SZT2: variants seen among roughly 807,000 people sequenced by gnomAD.
SZT2 encodes SZT2 subunit of KICSTOR complex, also known as KICSTOR complex protein SZT2.
A neutral mutation model predicts 404.2 loss-of-function variants in SZT2; 216 were observed. That is an observed-to-expected ratio of 0.53 (90% CI 0.48 to 0.60). The LOEUF (loss-of-function observed/expected upper bound fraction) is 0.60. SZT2 is among the 20% of genes least tolerant of loss of function. The pLI, the probability that SZT2 is intolerant of heterozygous loss-of-function variation, is 0.00. For synonymous variants in SZT2, 1,693 were observed against 1,749.9 expected, an observed-to-expected ratio of 0.97 and a Z score of 0.81; for missense variants, 3,857 against 4,459.2, an observed-to-expected ratio of 0.86 and a Z score of 3.85.
At chr1:43,427,956 A>G (rs1168698697) in intron 26 of SZT2, 47 bp from the exon 27 acceptor site, 10 of 1,530,198 alleles carry the variant, frequency 6.5e-6, no homozygotes, top group African/African-American at 1.4e-5. Context: ...AGTGTGAGGT[A>G]TCACTTAAGG....
chr1:43,441,572 A>G lies in SZT2; in HGVS notation c.7580A>G (p.Gln2527Arg). 1 of 1,614,168 alleles carries G rather than the reference A, an allele frequency of 6.2e-7. No individual in the cohort carries two copies. Among genetic ancestry groups the G allele is most frequent in the South Asian group, 1.1e-5 (1 of 91,084 alleles). Residue 2527 changes from glutamine (Q) to arginine (R), a missense_variant, in exon 54 of 72, where the codon CAG (glutamine) becomes CGG (arginine). Gln to Arg is a conservative substitution (Grantham distance 43, BLOSUM62 1). This residue lies in a region of SZT2 where 573 missense variants were observed against 592.4 expected (regional missense o/e 0.97). Coordinates refer to ENST00000634258, the MANE Select transcript of SZT2 (RefSeq NM_001365999.1). This position sits in a 1 kb window ranked among gnomAD's most constrained non-coding sequence, Gnocchi z 4.8. ...CATCCTGTGTTTGCCCGTGTTGCTC[A>G]GCGCTGGATGGAGTTTATGGTTCAG... Reference protein sequence around the residue: ...TLHPVFARVAQRWMEFMVQIG... With the variant: ...TLHPVFARVARRWMEFMVQIG...
In SZT2 at chr1:43,428,138, G is replaced by C; in HGVS notation, c.3919+20G>C. On this transcript the variant is annotated intron_variant, in intron 27 of 71. Coordinates refer to ENST00000634258, the MANE Select transcript of SZT2 (RefSeq NM_001365999.1). ...TCCGTGGTGAGCAGGAGGGCCGTGG[G>C]AGGGAGGAGTGGGGCCCTGCGGGAG... The C allele has an allele frequency of 6.2e-7, 1 of 1,612,516 alleles. No homozygotes were observed. Among genetic ancestry groups the C allele is most frequent in the East Asian group, 2.2e-5 (1 of 44,836 alleles).
Position 43,448,063 on chromosome 1 carries a change from C to T in SZT2, c.9564-16C>T, listed in dbSNP as rs766100455. 2 of 1,601,198 alleles carry T rather than the reference C, an allele frequency of 1.2e-6. No individual in the cohort carries two copies. On this transcript the variant is annotated splice_polypyrimidine_tract_variant and intron_variant, in intron 68 of 71. Coordinates refer to ENST00000634258, the MANE Select transcript of SZT2 (RefSeq NM_001365999.1). This position sits in a 1 kb window ranked among gnomAD's most constrained non-coding sequence, Gnocchi z 4.2. ...TTGCTACAACCACCACTCTCCTGCCCTGCTCCCCACCCCAGGCTACAGTTC... is the reference window on the plus strand; with the variant it reads ...TTGCTACAACCACCACTCTCCTGCCTTGCTCCCCACCCCAGGCTACAGTTC...
In SZT2 at chr1:43,453,714, G is replaced by A; in HGVS notation, c.*3234G>A. On this transcript the variant is annotated 3_prime_UTR_variant, in exon 72 of 72. Transcript: ENST00000634258. ...GACGGCCTCGAAGCCCGAGCTGCCCGCGGCCCGCACCCGCGCGGGGAGGCC... is the reference window on the plus strand; with the variant it reads ...GACGGCCTCGAAGCCCGAGCTGCCCACGGCCCGCACCCGCGCGGGGAGGCC... 1 of 1,406,476 alleles carries A rather than the reference G, an allele frequency of 7.1e-7. No homozygotes were observed. The highest frequency in any genetic ancestry group is 9.2e-7 in the Non-Finnish European group (1 of 1,090,732). The allele number at this position is 1,406,476 out of a possible 1,614,324, so 87.1% of individuals were successfully genotyped here.
At chr1:43,429,616 T>C in intron 28 of SZT2, 87 bp from the exon 29 acceptor site, 2 of 1,561,184 alleles carry the variant, frequency 1.3e-6, no homozygotes, top group Non-Finnish European at 1.8e-6. Flanking sequence ...ACAAAAAGGC[T>C]TCCTGTGCTG....
In SZT2 at chr1:43,450,214, C is replaced by T. The variant is rs757943885; in HGVS notation, c.10155+43C>T. 36 of 1,613,710 alleles carry T rather than the reference C, an allele frequency of 2.2e-5. No individual in the cohort carries two copies. The highest frequency in any genetic ancestry group is 2.5e-5 in the Non-Finnish European group (30 of 1,179,750). ...GCTTTGTGTCAGCCTCATGGGAGGC[C>T]GTACCCCAAATGCTCCACCTCGGAG... On this transcript the variant is annotated intron_variant, in intron 71 of 71. Coordinates refer to ENST00000634258, the MANE Select transcript of SZT2 (RefSeq NM_001365999.1). This position sits in a 1 kb window ranked among gnomAD's most constrained non-coding sequence, Gnocchi z 4.3.
At chr1:43,398,944 G>A (rs1408023595) in intron 1 of SZT2, among the ~76,000 whole-genome samples, 1 of 152,076 alleles carries the variant, frequency 6.6e-6, no homozygotes, top group Non-Finnish European at 1.5e-5. Context: ...GCCAGGCATG[G>A]TGGCATGCCC....
At chr1:43,446,773 G>GT (rs1391683484) in intron 65 of SZT2, 182 bp from the exon 66 acceptor site, 2 of 658,868 alleles carry the variant, frequency 3.0e-6, no homozygotes, top group Non-Finnish European at 5.2e-6. Flanking sequence ...TTACAATACA[G>GT]TATGAAAAAG....
Position 43,442,945 on chromosome 1 carries a change from G to C in SZT2, c.8278G>C (p.Asp2760His). 1 of 1,614,124 alleles carries C rather than the reference G, an allele frequency of 6.2e-7. No individual in the cohort carries two copies. The highest frequency in any genetic ancestry group is 1.1e-5 in the South Asian group (1 of 91,086). Reference sequence around the variant, plus strand: ...TCGTGGTGGGGGTCCTCTTCCCCTGGACACATTCCCCTTTGACGAGGCCCT... The same window carrying C: ...TCGTGGTGGGGGTCCTCTTCCCCTGCACACATTCCCCTTTGACGAGGCCCT... ...SSRGGGPLPL[D>H]TFPFDEALRD... is the part of the protein sequence containing the mutation. Residue 2760 changes from aspartate to histidine, a missense_variant, in exon 59 of 72, where the codon GAC (aspartate) becomes CAC (histidine). Asp to His is a moderately conservative substitution (Grantham distance 81). Coordinates refer to ENST00000634258, the MANE Select transcript of SZT2 (RefSeq NM_001365999.1). This position sits in a 1 kb window ranked among gnomAD's most constrained non-coding sequence, Gnocchi z 4.5.
rs1361616612 is a variant in SZT2 at position 43,450,118 on chromosome 1, A to C, written c.10102A>C (p.Lys3368Gln). The change falls in exon 71 of 72, where the codon AAG (lysine) becomes CAG (glutamine). Residue 3368 changes from lysine to glutamine, a missense_variant. This residue lies in a region of SZT2 where 717 missense variants were observed against 868.2 expected (regional missense o/e 0.83). Transcript: ENST00000634258. The surrounding 1 kb of genome is among the most constrained non-coding windows in gnomAD (Gnocchi z 4.3). ...TTCACTGCAGGTTGTGCTGAATCAG[A>C]AGTTCACTGACTGCTTTGTGCTAGT... ...GTQYLVVLNQ[K>Q]FTDCFVLVFL... The C allele has an allele frequency of 6.2e-7, 1 of 1,614,032 alleles. No individual in the cohort carries two copies.
Position 43,445,897 on chromosome 1 carries a change from C to T in SZT2, c.8829C>T (p.Thr2943=). 6.2e-7 allele frequency: 1 copy of T among 1,614,212 alleles called. No homozygotes were observed. Among genetic ancestry groups the T allele is most frequent in the Non-Finnish European group, 8.5e-7 (1 of 1,180,020 alleles). ...TATCCCTCCTCCTTTTCTATAGCAC[C>T]AGCCGGCCACGGGCCATGGCTATCC... The part of the protein sequence containing the change: ...PLRPPSPARS[T]SRPRAMAILG... Residue 2943 remains threonine (T), a synonymous_variant, in exon 63 of 72, where the codon ACC becomes ACT. Coordinates refer to ENST00000634258, the MANE Select transcript of SZT2 (RefSeq NM_001365999.1).
rs370758014 is a variant in SZT2 at position 43,425,446 on chromosome 1, A to T, written c.2646-28A>T. ...TTCACTCCCTGCCATGAGGCTGTGCATTGGACTCAGAGCCCTTCCTCCTTT... is the reference window on the plus strand; with the variant it reads ...TTCACTCCCTGCCATGAGGCTGTGCTTTGGACTCAGAGCCCTTCCTCCTTT... On this transcript the variant is annotated intron_variant, in intron 18 of 71. Transcript: ENST00000634258. This position sits in a 1 kb window ranked among gnomAD's most constrained non-coding sequence, Gnocchi z 4.3. 1 of 1,613,488 alleles carries T rather than the reference A, an allele frequency of 6.2e-7. No homozygotes were observed. Among genetic ancestry groups the T allele is most frequent in the South Asian group, 1.1e-5 (1 of 91,042 alleles).
At chr1:43,399,507 G>T (rs763826991) in intron 1 of SZT2, among the ~76,000 whole-genome samples, 6 of 148,660 alleles carry the variant, frequency 4.0e-5, no homozygotes, top group Non-Finnish European at 7.4e-5. Context: ...GTCTCGCTAG[G>T]CTGGAGTGCA....
Position 43,411,769 on chromosome 1 carries a change from C to CTTTTT in SZT2, c.499-3290_499-3286dup, listed in dbSNP as rs386366817. Among the ~76,000 whole-genome samples the CTTTTT allele has an allele frequency of 4.6e-4, 34 of 74,058 alleles. 5 individuals are homozygous for CTTTTT. The highest frequency in any genetic ancestry group is 8.2e-4 in the African/African-American group (13 of 15,914). The allele number at this position is 74,058 out of a possible 152,430, so 48.6% of individuals were successfully genotyped here. A position where few individuals can be genotyped will look rare whatever the true frequency, so the allele number is the denominator to read the frequency against. ...TAGAGCAGAAAAGTTCATCCACTATCTTTTTTTTTTTTTTTTTTTTTTTTT... is the reference window on the plus strand; with the variant it reads ...TAGAGCAGAAAAGTTCATCCACTATCTTTTTTTTTTTTTTTTTTTTTTTTTTTTTT... On this transcript the variant is annotated intron_variant, in intron 4 of 71. Coordinates refer to ENST00000634258, the MANE Select transcript of SZT2 (RefSeq NM_001365999.1).
chr1:43,403,077 G>C (rs1273525095), intron 1 of SZT2, 100 bp from the exon 2 acceptor site: 1 of 1,302,970 alleles, frequency 7.7e-7, no homozygotes, highest in East Asian at 2.3e-5. Context: ...CCCTCTCATT[G>C]ATGGTGAGTT....
chr1:43,437,784 C>T lies in SZT2; in HGVS notation c.6397-7C>T, dbSNP rs767372455. On this transcript the variant is annotated splice_region_variant and splice_polypyrimidine_tract_variant and intron_variant, in intron 45 of 71. Transcript: ENST00000634258. This position sits in a 1 kb window ranked among gnomAD's most constrained non-coding sequence, Gnocchi z 5.3. ...AACCGGGGCCCTGACCACAGTTTTC[C>T]CTGTAGGGTCCTCGTTCTCCCTTAG... 6.2e-7 allele frequency: 1 copy of T among 1,614,142 alleles called. No individual in the cohort carries two copies. Among genetic ancestry groups the T allele is most frequent in the Admixed American group, 1.7e-5 (1 of 60,024 alleles).
At position 43,446,211 on chromosome 1, in the gene SZT2, G is replaced by A. The variant is rs1184190400; in HGVS notation, c.8949G>A (p.Leu2983=). The part of the protein sequence containing the change: ...STSSPVTTYH[L]QRALPGGIIL... ...GCTCTCCGGTAACCACCTACCACCT[G>A]CAGCGGGCACTGCCTGGGGGCATCA... is the stretch of plus-strand genomic sequence containing the variant. Residue 2983 remains leucine, a synonymous_variant, in exon 64 of 72, where the codon CTG becomes CTA. Coordinates refer to ENST00000634258, the MANE Select transcript of SZT2 (RefSeq NM_001365999.1). 1 of 1,614,238 alleles carries A rather than the reference G, an allele frequency of 6.2e-7. No homozygotes were observed. Among genetic ancestry groups the A allele is most frequent in the Admixed American group, 1.7e-5 (1 of 60,032 alleles).
rs1185940140 is a variant in SZT2 at position 43,390,101 on chromosome 1, G to GT, written c.27+107dup. On this transcript the variant is annotated intron_variant, in intron 1 of 71. Transcript: ENST00000634258. ...CTAGGTCTGGGGGTGGCCGGGCTGC[G>GT]TAGCCTCGGCAGGGACCAGCCCAGC... 8 of 1,278,980 alleles carry GT rather than the reference G, an allele frequency of 6.3e-6. 2 individuals carry two copies. In the African/African-American group the frequency reaches 1.1e-4, roughly 18 times the overall value. The allele number at this position is 1,278,980 out of a possible 1,614,324, so 79.2% of individuals were successfully genotyped here.
At chr1:43,390,107 T>A in intron 1 of SZT2, 112 bp downstream of exon 1, 1 of 1,253,834 alleles carries the variant, frequency 8.0e-7, no homozygotes. Context: ...CTGCGTAGCC[T>A]CGGCAGGGAC....
Sources: allele counts gnomAD v4.1 joint callset (sites outside exome capture counted in the v4.1 genomes callset), GRCh38; gene constraint gnomAD v4.1.1; regional missense constraint gnomAD v4.1.1; non-coding constraint Gnocchi (gnomAD v3.1); transcripts MANE v1.5; gene names NCBI Gene and HGNC (gene_info 2026-07-23, HGNC 2026-07-21).